ADAMTS14: variants seen among roughly 807,000 people sequenced by gnomAD.
ADAMTS14 encodes A disintegrin and metalloproteinase with thrombospondin motifs 14.
ADAMTS14 carries 100 observed loss-of-function variants against 128.6 expected under a neutral mutation model. The ratio of observed to expected loss-of-function variants is 0.78; its 90% confidence interval spans 0.66 to 0.92. ADAMTS14 has a LOEUF of 0.92. ADAMTS14 is among the 40% of genes least tolerant of loss of function. The pLI, the probability that ADAMTS14 is intolerant of heterozygous loss-of-function variation, is 0.00. For synonymous variants in ADAMTS14, 665 were observed against 653.8 expected (o/e 1.02, Z -0.26); for missense variants, 1,562 against 1,658.6 (o/e 0.94, Z 1.01).
chr10:70,715,605 G>A (rs1841014077), intron 4 of ADAMTS14, among the ~76,000 whole-genome samples: 1 of 152,152 alleles, frequency 6.6e-6, no homozygotes, highest in East Asian at 1.9e-4. Context: ...AGGCAGCGAA[G>A]TTTGGAAGGT....
intron 15 of ADAMTS14, among the ~76,000 whole-genome samples, chr10:70,749,608 AGTGTGT>A (rs72483126): frequency 0.24 from 34,790 of 147,756 alleles, 4,354 homozygotes; most frequent in Non-Finnish European, 0.29. Flanking sequence ...AGGCAGCAAG[AGTGTGT>A]GTGTGTGTGT....
intron 2 of ADAMTS14, among the ~76,000 whole-genome samples, chr10:70,675,925 A>C (rs935533685): frequency 9.9e-5 from 15 of 152,066 alleles, no homozygotes; most frequent in Admixed American, 7.9e-4. Flanking sequence ...AGAGCGAGAA[A>C]ATTTGAGATG....
At position 70,674,907 on chromosome 10, in the gene ADAMTS14, G is replaced by A. The variant is rs752456214; in HGVS notation, c.434G>A (p.Arg145Gln). 1.1e-5 allele frequency: 18 copies of A among 1,613,268 alleles called. No homozygotes were observed. The highest frequency in any genetic ancestry group is 5.0e-5 in the Admixed American group (3 of 60,026). Residue 145 changes from arginine to glutamine, a missense_variant, in exon 2 of 22, where the codon CGG becomes CAG. By Grantham distance (43) the Arg-to-Gln change is conservative (BLOSUM62 1). Coordinates refer to ENST00000373207, the MANE Select transcript of ADAMTS14 (RefSeq NM_080722.4). ...CAGGAGGATTTTCGGGAGCTGTTCC[G>A]GCAGCCCTTACGGCAGGAGTGTGTG... ...EWQEDFRELF[R>Q]QPLRQECVYT... is the part of the protein sequence containing the mutation.
rs747513943 is a variant in ADAMTS14 at position 70,708,589 on chromosome 10, C to T, written c.681C>T (p.Ala227=). The change falls in exon 4 of 22, where the codon GCC becomes GCT. Residue 227 remains alanine, a splice_region_variant and synonymous_variant. Coordinates refer to ENST00000373207, the MANE Select transcript of ADAMTS14 (RefSeq NM_080722.4). ...AEPDGDLHNE[A]FGLGDLPNLL... is the part of the protein sequence containing the mutation. ...ACTCTCTTCCTGTCTTGGTTCCAGC[C>T]TTTGGCCTGGGAGACCTTCCCAACC... is the stretch of plus-strand genomic sequence containing the variant. The T allele has an allele frequency of 1.0e-5, 16 of 1,602,728 alleles. No homozygotes were observed. The South Asian group carries it at 1.7e-4, about 17-fold the overall frequency.
chr10:70,756,750 G>A (rs1181994487), intron 19 of ADAMTS14, among the ~76,000 whole-genome samples: 3 of 152,162 alleles, frequency 2.0e-5, no homozygotes, highest in Non-Finnish European at 4.4e-5. Context: ...AGGTAAAACT[G>A]GTCTTGGAAT....
chr10:70,727,319 A>ACACAGGCG (rs1841469974), intron 4 of ADAMTS14, among the ~76,000 whole-genome samples: 1 of 152,100 alleles, frequency 6.6e-6, no homozygotes, highest in Non-Finnish European at 1.5e-5. Context: ...TGGAAGTGCT[A>ACACAGGCG]TTACTCTTCT....
chr10:70,692,210 C>T (rs1840211793), intron 2 of ADAMTS14, among the ~76,000 whole-genome samples: 1 of 152,158 alleles, frequency 6.6e-6, no homozygotes, highest in Admixed American at 6.5e-5. Context: ...TCCTGGAAAG[C>T]CTACTGTGTG....
chr10:70,744,334 C>G, intron 14 of ADAMTS14, 145 bp downstream of exon 14: 1 of 1,190,382 alleles, frequency 8.4e-7, no homozygotes. Flanking sequence ...TCCTGGGCTG[C>G]CCAGGCTGGT....
At chr10:70,717,655 G>A (rs982105669) in intron 4 of ADAMTS14, among the ~76,000 whole-genome samples, 3 of 152,176 alleles carry the variant, frequency 2.0e-5, no homozygotes, top group Non-Finnish European at 4.4e-5. Context: ...GGATATTGGG[G>A]AACCTCCTAG....
intron 4 of ADAMTS14, among the ~76,000 whole-genome samples, chr10:70,721,107 C>T (rs1299601781): frequency 1.4e-5 from 2 of 147,690 alleles, no homozygotes; most frequent in African/African-American, 5.0e-5. Flanking sequence ...TCACCACAAC[C>T]TCCACCTCCC....
At chr10:70,701,378 G>C (rs991613349) in intron 2 of ADAMTS14, among the ~76,000 whole-genome samples, 1 of 152,202 alleles carries the variant, frequency 6.6e-6, no homozygotes, top group Non-Finnish European at 1.5e-5. Flanking sequence ...GATATTTGTC[G>C]AACGAGTGAA....
chr10:70,689,756 G>A (rs974375880), intron 2 of ADAMTS14, among the ~76,000 whole-genome samples: 2 of 145,326 alleles, frequency 1.4e-5, no homozygotes, highest in Non-Finnish European at 3.1e-5. Context: ...CATGGTTCGC[G>A]GCATTCCTCC....
intron 21 of ADAMTS14, 43 bp from the exon 22 acceptor site, chr10:70,760,317 T>C (rs781524872): frequency 6.6e-7 from 1 of 1,505,712 alleles, no homozygotes; most frequent in Non-Finnish European, 8.8e-7. Context: ...CTGACAGGCA[T>C]CCCCACGTTG....
rs2132515702 is a variant in ADAMTS14, at chr10:70,672,539, T to C, written c.-264T>C. Among the ~76,000 whole-genome samples, 1 of 150,744 alleles carries C rather than the reference T, an allele frequency of 6.6e-6. No individual in the cohort carries two copies. The highest frequency in any genetic ancestry group is 2.1e-4 in the South Asian group (1 of 4,828). ...GGCGGGCTGACCGACCAGCCGGCAG[T>C]TGGCACCGGGTGCGCTGGCGCGTCA... is the stretch of plus-strand genomic sequence containing the variant. On this transcript the variant is annotated 5_prime_UTR_variant, in exon 1 of 22. Coordinates refer to ENST00000373207, the MANE Select transcript of ADAMTS14 (RefSeq NM_080722.4).
chr10:70,752,266 T>C (rs767596712), intron 18 of ADAMTS14, 39 bp downstream of exon 18: 3 of 1,606,450 alleles, frequency 1.9e-6, no homozygotes, highest in African/African-American at 2.7e-5. Flanking sequence ...TCTGGTTCTA[T>C]GCCTAGCCCG....
At chr10:70,688,987 C>CATCACCTTCAT (rs1445371410) in intron 2 of ADAMTS14, among the ~76,000 whole-genome samples, 1 of 142,158 alleles carries the variant, frequency 7.0e-6, no homozygotes, top group South Asian at 2.3e-4. Flanking sequence ...CCAAGCCACT[C>CATCACCTTCAT]CCGTCCCCCA....
At chr10:70,749,305 C>T (rs910989880) in intron 15 of ADAMTS14, among the ~76,000 whole-genome samples, 3 of 152,146 alleles carry the variant, frequency 2.0e-5, no homozygotes, top group African/African-American at 7.2e-5. Flanking sequence ...CAGCAGCAGC[C>T]CTGCGAACTG....
chr10:70,711,914 G>C (rs1220981659), intron 4 of ADAMTS14, among the ~76,000 whole-genome samples: 1 of 152,196 alleles, frequency 6.6e-6, no homozygotes, highest in Admixed American at 6.5e-5. Context: ...TCCAATGACA[G>C]GAGCCCAGGG....
In ADAMTS14 at chr10:70,749,824, G is replaced by A; in HGVS notation, c.2266G>A (p.Val756Met). ...GACCCTCTCCCCCCACCGGTCAGTG[G>A]TGAAGAACCAGGTCACCGGCAGCTT... ...ALEKSPHRIV[V>M]KNQVTGSFIL... Residue 756 changes from valine (V) to methionine (M), a missense_variant and splice_region_variant, in exon 16 of 22, where the codon GTG (valine) becomes ATG (methionine). Transcript: ENST00000373207. 2 of 1,613,826 alleles carry A rather than the reference G, an allele frequency of 1.2e-6. No homozygotes were observed. Among genetic ancestry groups the A allele is most frequent in the Non-Finnish European group, 1.7e-6 (2 of 1,179,958 alleles).
Sources: gnomAD v4.1 joint callset for allele counts (sites outside exome capture counted in the v4.1 genomes callset) on GRCh38, gnomAD v4.1.1 for gene constraint, MANE v1.5 for transcripts, NCBI Gene and HGNC (gene_info 2026-07-23, HGNC 2026-07-21) for gene names.